The following EPCIP variants were observed in gnomAD, a reference collection of about 807,000 sequenced individuals.
EPCIP encodes exosomal polycystin-1-interacting protein.
At chr21:32,809,284 CTTTCTTTCTTTCTTTCTTTCTTT>C in the EPCIP span, among the ~76,000 whole-genome samples, 15 of 107,532 alleles carry the variant, frequency 1.4e-4, no homozygotes, top group African/African-American at 4.8e-4. Context: ...TCCTTCCTTT[CTTTCTTTCTTTCTTTCTTTCTTT>C]CTTTCTTTCT....
the EPCIP span, among the ~76,000 whole-genome samples, chr21:32,800,622 C>G: frequency 3.3e-5 from 5 of 152,138 alleles, no homozygotes; most frequent in Non-Finnish European, 4.4e-5. Flanking sequence ...TCGAGACCAG[C>G]CTGACCAATG....
chr21:32,794,597 T>G, the EPCIP span: 2 of 655,178 alleles, frequency 3.1e-6, no homozygotes, highest in African/African-American at 3.6e-5. Flanking sequence ...GCAGTTCTAG[T>G]AACTGTTTCC....
At chr21:32,794,282 G>T in the EPCIP span, 2 of 1,614,268 alleles carry the variant, frequency 1.2e-6, no homozygotes, top group Admixed American at 3.3e-5. Context: ...CCGGATGTCC[G>T]CAGAACAGCT....
At chr21:32,809,834 A>G in the EPCIP span, among the ~76,000 whole-genome samples, 1 of 152,074 alleles carries the variant, frequency 6.6e-6, no homozygotes, top group African/African-American at 2.4e-5. Context: ...CTGGGGGAAT[A>G]GGTGACAGTT....
chr21:32,813,084 A>G, the EPCIP span, among the ~76,000 whole-genome samples: 2 of 152,302 alleles, frequency 1.3e-5, no homozygotes, highest in African/African-American at 4.8e-5. Context: ...GATAAAACAG[A>G]GCAAAGAAAC....
At chr21:32,811,262 T>C in the EPCIP span, among the ~76,000 whole-genome samples, 2 of 152,024 alleles carry the variant, frequency 1.3e-5, no homozygotes, top group African/African-American at 4.8e-5. Flanking sequence ...TCCCGAGTAG[T>C]TGGCATTATA....
chr21:32,791,160 T>G, the EPCIP span: 9 of 152,214 alleles, frequency 5.9e-5, no homozygotes, highest in Non-Finnish European at 1.0e-4. Context: ...TGCCCATTCT[T>G]CATCCCACAG....
chr21:32,798,113 T>C, the EPCIP span: 2 of 152,320 alleles, frequency 1.3e-5, no homozygotes, highest in African/African-American at 2.4e-5. Flanking sequence ...GGTAGGAGGA[T>C]TGTGGGAAGC....
At chr21:32,793,745 T>C in the EPCIP span, 51 of 1,612,888 alleles carry the variant, frequency 3.2e-5, no homozygotes, top group Non-Finnish European at 4.2e-5. Context: ...TCCAGGCAGC[T>C]GGACACAGTT....
the EPCIP span, among the ~76,000 whole-genome samples, chr21:32,808,752 T>C: frequency 4.6e-5 from 7 of 152,240 alleles, no homozygotes; most frequent in African/African-American, 1.7e-4. Context: ...TACTGGTTCA[T>C]TAATTGTGAC....
chr21:32,794,805 C>T, the EPCIP span, among the ~76,000 whole-genome samples: 9 of 152,290 alleles, frequency 5.9e-5, no homozygotes, highest in South Asian at 2.1e-4. Context: ...GGAGACCTAC[C>T]GCATCCTATC....
At chr21:32,807,524 C>T in the EPCIP span, 6 of 151,968 alleles carry the variant, frequency 3.9e-5, no homozygotes, top group African/African-American at 1.2e-4. Context: ...GGGGTTCCTC[C>T]GTGTTGGTCA....
the EPCIP span, among the ~76,000 whole-genome samples, chr21:32,795,192 AT>A: frequency 4.1e-4 from 62 of 152,218 alleles, no homozygotes; most frequent in Non-Finnish European, 6.3e-4. Context: ...AATCACAATT[AT>A]TTTGACTTAG....
chr21:32,807,844 C>T, the EPCIP span: 3 of 152,216 alleles, frequency 2.0e-5, no homozygotes, highest in South Asian at 6.2e-4. Context: ...TGGCAAAATC[C>T]CAGGAGGCAC....
chr21:32,806,200 G>A, the EPCIP span, among the ~76,000 whole-genome samples: 4 of 152,190 alleles, frequency 2.6e-5, no homozygotes, highest in Admixed American at 6.5e-5. Flanking sequence ...ATTGAGTGGT[G>A]GACAGAAGCA....
chr21:32,792,920 T>A, the EPCIP span, among the ~76,000 whole-genome samples: 1,289 of 151,904 alleles, frequency 8.5e-3, 26 homozygotes, highest in Admixed American at 0.037. Flanking sequence ...TTATTATTTT[T>A]TTTTTTTTTG....
At chr21:32,809,646 A>T in the EPCIP span, among the ~76,000 whole-genome samples, 1 of 152,040 alleles carries the variant, frequency 6.6e-6, no homozygotes, top group Non-Finnish European at 1.5e-5. Flanking sequence ...TACAGGCATG[A>T]GCCACCGCGC....
the EPCIP span, among the ~76,000 whole-genome samples, chr21:32,807,158 C>G: frequency 1.1e-4 from 17 of 152,132 alleles, no homozygotes; most frequent in African/African-American, 3.6e-4. Flanking sequence ...GGGACACAGC[C>G]AAACCATATC....
At chr21:32,811,403 G>A in the EPCIP span, among the ~76,000 whole-genome samples, 1 of 152,080 alleles carries the variant, frequency 6.6e-6, no homozygotes, top group Admixed American at 6.6e-5. Context: ...AAGTGCTGGG[G>A]TTACAAGCAT....
Sources: gnomAD v4.1 joint callset for allele counts (sites outside exome capture counted in the v4.1 genomes callset) on GRCh38, gnomAD v4.1.1 for gene constraint, MANE v1.5 for transcripts, NCBI Gene and HGNC (gene_info 2026-07-23, HGNC 2026-07-21) for gene names.